Variants in MTMR12 observed in about 807,000 individuals in gnomAD.
MTMR12 encodes myotubularin related protein 12, also known as myotubularin-related protein 12.
A neutral mutation model predicts 96.7 loss-of-function variants in MTMR12; 33 were observed. That is an observed-to-expected ratio of 0.34 (90% CI 0.26 to 0.46). MTMR12 has a LOEUF of 0.46. Ranked by LOEUF, MTMR12 falls within the 20% of genes least tolerant of loss-of-function variation. MTMR12 has a pLI of 1.00. For synonymous variants in MTMR12, 298 were observed against 327.2 expected (o/e 0.91, Z 0.96); for missense variants, 721 against 896.1 (o/e 0.80, Z 2.49).
intron 1 of MTMR12, among the ~76,000 whole-genome samples, chr5:32,292,132 C>G (rs1466804138): frequency 6.6e-6 from 1 of 152,184 alleles, no homozygotes; most frequent in Non-Finnish European, 1.5e-5. Context: ...GCTGGATTGA[C>G]AGAATGGTGT....
intron 7 of MTMR12, among the ~76,000 whole-genome samples, chr5:32,257,687 G>A (rs574914193): frequency 2.0e-5 from 3 of 151,998 alleles, no homozygotes; most frequent in Non-Finnish European, 4.4e-5. Context: ...AGGAATCGCT[G>A]AACCTGTGAG....
intron 5 of MTMR12, 146 bp from the exon 6 acceptor site, chr5:32,268,940 T>C (rs966371348): frequency 3.6e-6 from 2 of 553,654 alleles, no homozygotes; most frequent in African/African-American, 3.8e-5. Context: ...TCTGTATCTA[T>C]GACATTAGCT....
chr5:32,284,269 G>C (rs1750431420), intron 1 of MTMR12, among the ~76,000 whole-genome samples: 1 of 139,092 alleles, frequency 7.2e-6, no homozygotes, highest in Non-Finnish European at 1.5e-5. Flanking sequence ...AGTGAGCTAT[G>C]ATTGCACCAC....
chr5:32,289,590 T>C (rs1294704954), intron 1 of MTMR12, among the ~76,000 whole-genome samples: 1 of 152,192 alleles, frequency 6.6e-6, no homozygotes, highest in African/African-American at 2.4e-5. Flanking sequence ...ACCCAAAGTG[T>C]CACTGTGGTC....
chr5:32,276,763 A>G (rs1750068260), intron 1 of MTMR12, 21 bp from the exon 2 acceptor site: 1 of 1,602,962 alleles, frequency 6.2e-7, no homozygotes, highest in Middle Eastern at 1.7e-4. Flanking sequence ...AGAGCAAAGG[A>G]TATTTTTCTT....
chr5:32,234,854 G>GT (rs1308268844), intron 14 of MTMR12, 108 bp downstream of exon 14: 9 of 1,072,298 alleles, frequency 8.4e-6, no homozygotes, highest in Non-Finnish European at 1.2e-5. Context: ...TTTGTTTAGT[G>GT]TATGTGCTGC....
chr5:32,297,632 T>A (rs1442219115), intron 1 of MTMR12, among the ~76,000 whole-genome samples: 1 of 151,910 alleles, frequency 6.6e-6, no homozygotes, highest in Non-Finnish European at 1.5e-5. Flanking sequence ...TGACAGCTCA[T>A]CATTTCTTGA....
intron 6 of MTMR12, among the ~76,000 whole-genome samples, chr5:32,265,032 G>A (rs934419496): frequency 6.6e-6 from 1 of 151,694 alleles, no homozygotes; most frequent in Non-Finnish European, 1.5e-5. Flanking sequence ...ACCACAGTAG[G>A]CCATCTTCTA....
At chr5:32,282,848 C>T (rs1276510568) in intron 1 of MTMR12, among the ~76,000 whole-genome samples, 1 of 152,178 alleles carries the variant, frequency 6.6e-6, no homozygotes, top group Non-Finnish European at 1.5e-5. Flanking sequence ...TTCACAATCG[C>T]TTTTTGAACT....
chr5:32,248,033 T>C lies in MTMR12; in HGVS notation c.990A>G (p.Ala330=). The C allele has an allele frequency of 2.5e-6, 4 of 1,614,152 alleles. No individual in the cohort carries two copies. Among genetic ancestry groups the C allele is most frequent in the Non-Finnish European group, 3.4e-6 (4 of 1,179,976 alleles). The change falls in exon 10 of 16, where the codon GCA becomes GCG. Residue 330 remains alanine (A), a synonymous_variant. Coordinates refer to ENST00000382142, the MANE Select transcript of MTMR12 (RefSeq NM_001040446.3). ...NFLSLQEIQT[A]YSKFKQLFLI... Reference sequence around the variant, plus strand: ...GAAATAGCTGTTTAAATTTAGAGTATGCAGTCTGGATTTCCTGCAGGGACA... The same window carrying C: ...GAAATAGCTGTTTAAATTTAGAGTACGCAGTCTGGATTTCCTGCAGGGACA...
chr5:32,256,735 TTTG>T (rs1176416984), intron 7 of MTMR12, among the ~76,000 whole-genome samples: 6 of 152,204 alleles, frequency 3.9e-5, no homozygotes, highest in Non-Finnish European at 8.8e-5. Flanking sequence ...ATCAATGGCA[TTTG>T]TATGCATGCT....
chr5:32,290,255 TATTTGAAGAGACCTTG>T (rs1750691624), intron 1 of MTMR12, among the ~76,000 whole-genome samples: 1 of 152,242 alleles, frequency 6.6e-6, no homozygotes, highest in Admixed American at 6.5e-5. Flanking sequence ...GTCATAATCT[TATTTGAAGAGACCTTG>T]ATCGCTTTTT....
At chr5:32,283,574 G>A (rs1254832235) in intron 1 of MTMR12, among the ~76,000 whole-genome samples, 1 of 152,160 alleles carries the variant, frequency 6.6e-6, no homozygotes, top group Non-Finnish European at 1.5e-5. Flanking sequence ...GGCCCAGTCT[G>A]CATTCTTATT....
intron 12 of MTMR12, among the ~76,000 whole-genome samples, chr5:32,240,260 A>T (rs1031701783): frequency 6.6e-6 from 1 of 152,010 alleles, no homozygotes; most frequent in Non-Finnish European, 1.5e-5. Flanking sequence ...TTAGCTGGGC[A>T]TGGTGGTGCA....
At chr5:32,305,176 C>T (rs1751307451) in intron 1 of MTMR12, among the ~76,000 whole-genome samples, 1 of 152,098 alleles carries the variant, frequency 6.6e-6, no homozygotes, top group Non-Finnish European at 1.5e-5. Flanking sequence ...GCAACCTCTG[C>T]CTCCTCGGTT....
At position 32,234,523 on chromosome 5, in the gene MTMR12, C is replaced by G. The variant is rs144033905; in HGVS notation, c.1512+439G>C. Among the ~76,000 whole-genome samples, 286 of 152,350 alleles carry G rather than the reference C, an allele frequency of 1.9e-3. 2 individuals are homozygous for G. Among genetic ancestry groups the G allele is most frequent in the African/African-American group, 6.6e-3 (275 of 41,578 alleles). On this transcript the variant is annotated intron_variant, in intron 14 of 15. Transcript: ENST00000382142. ...GGCATCAGGCAAAATCGGAGGACAT[C>G]TGGTCTAACTGTCTTTCAAATGGAC...
intron 5 of MTMR12, among the ~76,000 whole-genome samples, chr5:32,270,341 T>C (rs1446727064): frequency 6.6e-6 from 1 of 152,250 alleles, no homozygotes; most frequent in Non-Finnish European, 1.5e-5. Flanking sequence ...TCTAAAAGCA[T>C]GTCTGATTAT....
intron 7 of MTMR12, among the ~76,000 whole-genome samples, chr5:32,257,727 C>T (rs758764227): frequency 3.3e-5 from 5 of 151,942 alleles, no homozygotes; most frequent in South Asian, 4.1e-4. Context: ...AAGATTGCGC[C>T]ACTCTACTCT....
At chr5:32,252,348 A>G (rs1432660979) in intron 8 of MTMR12, among the ~76,000 whole-genome samples, 2 of 152,230 alleles carry the variant, frequency 1.3e-5, no homozygotes, top group African/African-American at 4.8e-5. Flanking sequence ...GGGAAGTTTT[A>G]TGTTATGTGT....
Sources: allele counts gnomAD v4.1 joint callset (sites outside exome capture counted in the v4.1 genomes callset), GRCh38; gene constraint gnomAD v4.1.1; transcripts MANE v1.5; gene names NCBI Gene and HGNC (gene_info 2026-07-23, HGNC 2026-07-21).